SLC14A2: variants seen among roughly 807,000 people sequenced by gnomAD.
The protein encoded by SLC14A2 is solute carrier family 14 member 2.
Under a neutral mutation model 104.6 loss-of-function variants are expected in SLC14A2, and 91 were observed. The ratio of observed to expected loss-of-function variants is 0.87; its 90% CI spans 0.73 to 1.04. The LOEUF is 1.04. SLC14A2 is among the 50% of genes least tolerant of loss of function. The probability of loss-of-function intolerance (pLI) is 0.00; values close to 1 mark genes in which losing one functional copy is unlikely to be tolerated. For synonymous variants in SLC14A2, 476 were observed against 466.4 expected (o/e 1.02, Z -0.27); for missense variants, 1,189 against 1,156.0 (o/e 1.03, Z -0.41).
intron 5 of SLC14A2, 128 bp from the exon 6 acceptor site, chr18:45,636,862 G>A (rs2045424124): frequency 1.5e-6 from 1 of 661,210 alleles, no homozygotes; most frequent in Admixed American, 2.4e-5. Context: ...GAACACTGGA[G>A]TCTCAAGGGG....
At chr18:45,461,562 A>G (rs1228765140) in intron 1 of SLC14A2, among the ~76,000 whole-genome samples, 1 of 152,224 alleles carries the variant, frequency 6.6e-6, no homozygotes, top group Non-Finnish European at 1.5e-5. Flanking sequence ...TTGAGATCAA[A>G]GTGCCTAGAA....
At chr18:45,442,441 C>T (rs540355242) in intron 1 of SLC14A2, among the ~76,000 whole-genome samples, 13 of 152,162 alleles carry the variant, frequency 8.5e-5, no homozygotes, top group Non-Finnish European at 1.6e-4. Flanking sequence ...CAATCTTTGA[C>T]TTTCGTTGGC....
intron 1 of SLC14A2, among the ~76,000 whole-genome samples, chr18:45,454,937 T>C (rs2086917341): frequency 1.3e-5 from 2 of 152,212 alleles, no homozygotes; most frequent in African/African-American, 4.8e-5. Context: ...TCAGGTAGCG[T>C]GATGCCTCCA....
At chr18:45,310,491 C>A (rs575577164) in intron 1 of SLC14A2, among the ~76,000 whole-genome samples, 1 of 152,314 alleles carries the variant, frequency 6.6e-6, no homozygotes, top group African/African-American at 2.4e-5. Context: ...ACAGTTCAGA[C>A]AAGAATACAA....
At chr18:45,415,097 T>A (rs1257243048) in intron 1 of SLC14A2, among the ~76,000 whole-genome samples, 2 of 152,070 alleles carry the variant, frequency 1.3e-5, no homozygotes, top group African/African-American at 4.8e-5. Flanking sequence ...ATAAATTGTG[T>A]ATATACTTGC....
At position 45,663,917 on chromosome 18, in the gene SLC14A2, T is replaced by TC. The variant is rs148844464; in HGVS notation, c.1474+12dup. The TC allele has an allele frequency of 1.4e-3, 2,305 of 1,606,486 alleles. 22 individuals are homozygous for TC. In the African/African-American group the frequency reaches 0.027, roughly 19 times the overall value. On this transcript the variant is annotated intron_variant, in intron 11 of 19. Coordinates refer to ENST00000255226, the MANE Select transcript of SLC14A2 (RefSeq NM_007163.4). ...CGGAGGAGGAGCAAAGGTGTGCATG[T>TC]CCTCCCCCTCACGCTTGGATCCCTG...
At chr18:45,521,452 C>G (rs144988994) in intron 2 of SLC14A2, among the ~76,000 whole-genome samples, 1 of 152,142 alleles carries the variant, frequency 6.6e-6, no homozygotes, top group East Asian at 1.9e-4. Flanking sequence ...GGATACAGCT[C>G]AGGGACCAGA....
chr18:45,473,516 T>C (rs2087293013), intron 1 of SLC14A2, among the ~76,000 whole-genome samples: 1 of 152,236 alleles, frequency 6.6e-6, no homozygotes. Flanking sequence ...GAGCATCAAG[T>C]GTTTTTCCAT....
rs373289493 is a variant in SLC14A2, at chr18:45,255,225, G to T, written c.-125+42034G>T. On this transcript the variant is annotated intron_variant, in intron 1 of 20. Transcript: ENST00000586448. Reference sequence around the variant, plus strand: ...GACTTTCTCCCTCTCCCAGGGGCTTGCTGTAGCACCCTGCTGTTTTCTCTT... The same window carrying T: ...GACTTTCTCCCTCTCCCAGGGGCTTTCTGTAGCACCCTGCTGTTTTCTCTT... Among the ~76,000 whole-genome samples the T allele has an allele frequency of 2.0e-5, 3 of 152,160 alleles. No individual in the cohort carries two copies. The East Asian group carries it at 5.8e-4, about 29-fold the overall frequency.
At chr18:45,228,319 A>G (rs954916555) in intron 1 of SLC14A2, among the ~76,000 whole-genome samples, 1 of 152,196 alleles carries the variant, frequency 6.6e-6, no homozygotes, top group African/African-American at 2.4e-5. Context: ...TAATGGTCAG[A>G]AACTTTTCTG....
At chr18:45,300,840 A>G (rs1012856074) in intron 1 of SLC14A2, among the ~76,000 whole-genome samples, 1 of 152,174 alleles carries the variant, frequency 6.6e-6, no homozygotes, top group Admixed American at 6.5e-5. Flanking sequence ...ATTTCAACCC[A>G]GTGATGTCTG....
the SLC14A2 span, among the ~76,000 whole-genome samples, chr18:45,193,799 T>C: frequency 6.6e-6 from 1 of 152,172 alleles, no homozygotes; most frequent in African/African-American, 2.4e-5. Flanking sequence ...GAGAGTAATC[T>C]GAGGAGAATA....
chr18:45,304,526 C>T (rs2084998664), intron 1 of SLC14A2, among the ~76,000 whole-genome samples: 1 of 152,132 alleles, frequency 6.6e-6, no homozygotes, highest in South Asian at 2.1e-4. Context: ...GTTCTAAGGC[C>T]CTTCAGACTT....
chr18:45,218,757 G>A (rs62092117), intron 1 of SLC14A2, among the ~76,000 whole-genome samples: 17,184 of 151,984 alleles, frequency 0.11, 981 homozygotes, highest in Non-Finnish European at 0.12. Flanking sequence ...CTAGTTCCTC[G>A]GACTGCTCAT....
chr18:45,665,207 A>G (rs114731093), intron 11 of SLC14A2, among the ~76,000 whole-genome samples: 1,658 of 152,148 alleles, frequency 0.011, 25 homozygotes, highest in African/African-American at 0.037. Flanking sequence ...CACCCTGACG[A>G]CTCATGAGTG....
At chr18:45,639,978 A>G in intron 7 of SLC14A2, 85 bp downstream of exon 7, 1 of 1,273,276 alleles carries the variant, frequency 7.9e-7, no homozygotes, top group Non-Finnish European at 1.1e-6. Context: ...TCTTCCAGAC[A>G]TTCTCTTCCC....
rs926645700 is a variant in SLC14A2 at position 45,528,191 on chromosome 18, G to A, written c.-35+44869G>A. 6 of 146,206 alleles carry A rather than the reference G, an allele frequency of 4.1e-5. 1 individual carries two copies. The highest frequency in any genetic ancestry group is 4.1e-4 in the East Asian group (2 of 4,832). The allele number at this position is 146,206 out of a possible 1,614,324, so 9.1% of individuals were successfully genotyped here. On this transcript the variant is annotated intron_variant, in intron 2 of 20. Coordinates refer to the SLC14A2 transcript ENST00000586448. ...CCTGTGTGTGTGTGTGCGGGGGGGG[G>A]GGGGGGTGTCTATATGCGAAGATTT...
At chr18:45,557,008 G>C (rs1197587088) in intron 2 of SLC14A2, among the ~76,000 whole-genome samples, 3 of 152,192 alleles carry the variant, frequency 2.0e-5, no homozygotes, top group Non-Finnish European at 4.4e-5. Context: ...CCAGGTTTAT[G>C]CTACAGTGAA....
At chr18:45,466,244 T>C (rs1032471306) in intron 1 of SLC14A2, among the ~76,000 whole-genome samples, 2 of 151,922 alleles carry the variant, frequency 1.3e-5, no homozygotes, top group African/African-American at 4.8e-5. Flanking sequence ...TGCTAGGATA[T>C]GGTTGACTAT....
Sources: gnomAD v4.1 joint callset for allele counts (sites outside exome capture counted in the v4.1 genomes callset) on GRCh38, gnomAD v4.1.1 for gene constraint, MANE v1.5 for transcripts, NCBI Gene and HGNC (gene_info 2026-07-23, HGNC 2026-07-21) for gene names.